GRID2: variants seen among roughly 807,000 people sequenced by gnomAD.
The protein encoded by GRID2 is glutamate receptor ionotropic, delta-2.
In GRID2, 33 loss-of-function variants were observed where a neutral mutation model predicts 114.8. That is an observed-to-expected ratio of 0.29 (90% CI 0.22 to 0.38). GRID2 has a LOEUF of 0.38. GRID2 is among the 10% of genes least tolerant of loss of function. The probability of loss-of-function intolerance (pLI) is 1.00; values close to 1 mark genes in which losing one functional copy is unlikely to be tolerated. For missense variants in GRID2, 1,184 were observed against 1,257.7 expected, an observed-to-expected ratio of 0.94 and a Z score of 0.89; for synonymous variants, 505 against 449.9, an observed-to-expected ratio of 1.12 and a Z score of -1.55.
At chr4:93,433,506 C>T (rs1416379888) in intron 10 of GRID2, among the ~76,000 whole-genome samples, 3 of 152,076 alleles carry the variant, frequency 2.0e-5, no homozygotes, top group African/African-American at 4.8e-5. Context: ...AATTCCATGG[C>T]CCCTAATAAA....
At chr4:92,773,423 G>A (rs910252540) in intron 2 of GRID2, among the ~76,000 whole-genome samples, 6 of 152,074 alleles carry the variant, frequency 3.9e-5, no homozygotes, top group African/African-American at 1.4e-4. Flanking sequence ...TAGAGTAACT[G>A]TACCAGAAAA....
At chr4:92,385,896 GTGTGTATATATATA>G (rs1560600140) in intron 1 of GRID2, among the ~76,000 whole-genome samples, 1 of 121,036 alleles carries the variant, frequency 8.3e-6, no homozygotes, top group African/African-American at 3.3e-5. Flanking sequence ...GTGTGTGTGT[GTGTGTATATATATA>G]TATATATATA....
intron 2 of GRID2, among the ~76,000 whole-genome samples, chr4:92,893,279 A>AAT (rs1321532637): frequency 6.6e-6 from 1 of 152,174 alleles, no homozygotes; most frequent in African/African-American, 2.4e-5. Context: ...AATTAAAATG[A>AAT]ATATATGCCT....
At chr4:92,954,554 G>A (rs1016070443) in intron 2 of GRID2, among the ~76,000 whole-genome samples, 2 of 151,530 alleles carry the variant, frequency 1.3e-5, no homozygotes, top group Admixed American at 1.3e-4. Context: ...AGCCTCCCAA[G>A]TAGCTGGGAC....
At chr4:93,508,154 TAATATAA>T (rs1459020871) in intron 12 of GRID2, among the ~76,000 whole-genome samples, 4 of 151,508 alleles carry the variant, frequency 2.6e-5, no homozygotes, top group Non-Finnish European at 4.4e-5. Flanking sequence ...ACTTAAAGTA[TAATATAA>T]TAAAATAAAA....
intron 2 of GRID2, among the ~76,000 whole-genome samples, chr4:92,758,271 G>A (rs1221768126): frequency 6.6e-6 from 1 of 152,070 alleles, no homozygotes; most frequent in South Asian, 2.1e-4. Context: ...TGATAAAATT[G>A]TCTCAAGGAA....
intron 2 of GRID2, among the ~76,000 whole-genome samples, chr4:93,042,435 C>CA (rs1725654608): frequency 6.8e-6 from 1 of 148,026 alleles, no homozygotes; most frequent in African/African-American, 2.5e-5. Flanking sequence ...TATTACATAT[C>CA]TGTCCTCATT....
chr4:93,733,045 A>G (rs1428326199), intron 14 of GRID2, among the ~76,000 whole-genome samples: 1 of 152,162 alleles, frequency 6.6e-6, no homozygotes, highest in Non-Finnish European at 1.5e-5. Flanking sequence ...TATTGTTTTT[A>G]CAACTGAAGT....
At chr4:93,389,185 A>G (rs1764611888) in intron 8 of GRID2, among the ~76,000 whole-genome samples, 1 of 152,184 alleles carries the variant, frequency 6.6e-6, no homozygotes, top group Non-Finnish European at 1.5e-5. Context: ...GAGATAGGAA[A>G]GACAGTGAGA....
chr4:92,847,436 C>T (rs1743410512), intron 2 of GRID2, among the ~76,000 whole-genome samples: 1 of 152,032 alleles, frequency 6.6e-6, no homozygotes, highest in Non-Finnish European at 1.5e-5. Context: ...TTATATCTCG[C>T]TGGCCTCTCT....
At chr4:93,451,383 A>G (rs1722667000) in intron 10 of GRID2, among the ~76,000 whole-genome samples, 1 of 152,090 alleles carries the variant, frequency 6.6e-6, no homozygotes, top group African/African-American at 2.4e-5. Context: ...ATAGATATAA[A>G]TGAGTGTTTA....
rs115773520 is a variant in GRID2 at position 93,567,726 on chromosome 4, G to T, written c.2193+52315G>T. 5.5e-3 allele frequency among the ~76,000 whole-genome samples: 839 copies of T among 152,298 alleles called. 8 individuals are homozygous for T. Among genetic ancestry groups the T allele is most frequent in the African/African-American group, 0.019 (784 of 41,560 alleles). ...AGCTTTGCCCATGGCTTGCTGAGTG[G>T]TCCATTCTCCTCTTGAGACTTAGAG... is the stretch of plus-strand genomic sequence containing the variant. On this transcript the variant is annotated intron_variant, in intron 13 of 15. Coordinates refer to ENST00000282020, the MANE Select transcript of GRID2 (RefSeq NM_001510.4).
chr4:93,262,016 G>C (rs1274046699), intron 8 of GRID2, among the ~76,000 whole-genome samples: 1 of 151,304 alleles, frequency 6.6e-6, no homozygotes, highest in Non-Finnish European at 1.5e-5. Flanking sequence ...CCAGCTTCTG[G>C]CTTCTTCCAC....
At chr4:92,460,373 T>C (rs1289106484) in intron 1 of GRID2, among the ~76,000 whole-genome samples, 1 of 151,994 alleles carries the variant, frequency 6.6e-6, no homozygotes, top group Non-Finnish European at 1.5e-5. Context: ...AATGCTTCAG[T>C]TCTTCAGAAA....
chr4:92,449,498 C>T (rs1027817809), intron 1 of GRID2, among the ~76,000 whole-genome samples: 1 of 151,322 alleles, frequency 6.6e-6, no homozygotes, highest in African/African-American at 2.4e-5. Context: ...CCTTTCTCCT[C>T]TAAAATATGT....
At chr4:93,295,019 C>T (rs193289205) in intron 8 of GRID2, among the ~76,000 whole-genome samples, 1 of 152,186 alleles carries the variant, frequency 6.6e-6, no homozygotes, top group East Asian at 1.9e-4. Context: ...GACAGGTGTC[C>T]TTTACTAAGA....
chr4:93,099,027 G>A (rs965332754), intron 3 of GRID2, among the ~76,000 whole-genome samples: 21 of 149,506 alleles, frequency 1.4e-4, no homozygotes, highest in Non-Finnish European at 6.0e-5. Context: ...GTGTGTGTGT[G>A]TATGATACAC....
chr4:93,235,397 C>G (rs973026441), intron 7 of GRID2, among the ~76,000 whole-genome samples: 1 of 151,986 alleles, frequency 6.6e-6, no homozygotes, highest in Non-Finnish European at 1.5e-5. Context: ...ATAAAAAATA[C>G]CACCATGCAT....
chr4:93,269,224 G>A (rs1052329791), intron 8 of GRID2, among the ~76,000 whole-genome samples: 4 of 152,124 alleles, frequency 2.6e-5, no homozygotes, highest in African/African-American at 9.7e-5. Flanking sequence ...CACCTGGGAA[G>A]CTGTTAAAAA....
Sources: allele counts gnomAD v4.1 joint callset (sites outside exome capture counted in the v4.1 genomes callset), GRCh38; gene constraint gnomAD v4.1.1; transcripts MANE v1.5; gene names NCBI Gene and HGNC (gene_info 2026-07-23, HGNC 2026-07-21).